BOP1: variants seen among roughly 807,000 people sequenced by gnomAD.
The protein encoded by BOP1 is BOP1 ribosomal biogenesis factor.
In BOP1, 54 loss-of-function variants were observed where a neutral mutation model predicts 82.9. The observed-to-expected ratio is 0.65, with a 90% CI of 0.52 to 0.82. The LOEUF is 0.82. Ranked by LOEUF, BOP1 falls within the 40% of genes least tolerant of loss-of-function variation. The pLI is 0.00. For synonymous variants in BOP1, 566 were observed against 451.1 expected (o/e 1.25, Z -3.23); for missense variants, 1,170 against 1,072.0 (o/e 1.09, Z -1.28).
intron 3 of BOP1, among the ~76,000 whole-genome samples, chr8:144,269,421 T>A (rs1845453474): frequency 6.6e-6 from 1 of 152,130 alleles, no homozygotes; most frequent in Non-Finnish European, 1.5e-5. Flanking sequence ...CCAGGTGCTG[T>A]GGCCCACGTG....
intron 3 of BOP1, among the ~76,000 whole-genome samples, chr8:144,270,141 G>A (rs1845468817): frequency 1.3e-5 from 2 of 152,192 alleles, no homozygotes; most frequent in Admixed American, 1.3e-4. Flanking sequence ...GGGACATCAG[G>A]GGCTGCTGGC....
chr8:144,263,286 G>T lies in BOP1; in HGVS notation c.1540C>A (p.Arg514Ser). Residue 514 changes from arginine (R) to serine (S), a missense_variant, in exon 12 of 16, where the codon CGC (arginine) becomes AGC (serine). Coordinates refer to ENST00000569669, the MANE Select transcript of BOP1 (RefSeq NM_015201.5). ...TCCTCCTCTGAGGCCTCCAGCCAGC[G>T]GGCCGGCTGCAAGGGGGGCTCCTCA... is the stretch of plus-strand genomic sequence containing the variant. ...PPEEPPLQPA[R>S]WLEASEEERQ... The T allele has an allele frequency of 1.9e-6, 3 of 1,594,350 alleles. No homozygotes were observed. The highest frequency in any genetic ancestry group is 2.5e-6 in the Non-Finnish European group (3 of 1,179,030).
intron 3 of BOP1, chr8:144,267,960 A>C: frequency 7.6e-7 from 1 of 1,314,878 alleles, no homozygotes; most frequent in South Asian, 1.3e-5. Context: ...CCCCTCCCCA[A>C]AACGCTTGAG....
intron 2 of BOP1, among the ~76,000 whole-genome samples, chr8:144,279,562 T>G (rs1845636855): frequency 6.6e-6 from 1 of 152,082 alleles, no homozygotes; most frequent in Non-Finnish European, 1.5e-5. Flanking sequence ...TGGAATGAGG[T>G]TCTGGGGAGC....
rs1845265957 is a variant in BOP1, at chr8:144,263,115, C to A, written c.1632G>T (p.Gly544=). 1 of 1,593,550 alleles carries A rather than the reference C, an allele frequency of 6.3e-7. No individual in the cohort carries two copies. The highest frequency in any genetic ancestry group is 1.3e-5 in the African/African-American group (1 of 74,776). ...GKPVTQVTWH[G]RGDYLAVVLA... is the part of the protein sequence containing the mutation. ...GCACCACGGCCAGGTAGTCCCCACGCCCGTGCCAGGTCACCTGCGTCACTG... is the reference window on the plus strand; with the variant it reads ...GCACCACGGCCAGGTAGTCCCCACGACCGTGCCAGGTCACCTGCGTCACTG... Residue 544 remains glycine (G), a synonymous_variant, in exon 13 of 16, where the codon GGG becomes GGT. Transcript: ENST00000569669.
At chr8:144,288,983 G>A (rs555991458) in intron 2 of BOP1, 112 bp downstream of exon 2, 30 of 1,203,110 alleles carry the variant, frequency 2.5e-5, no homozygotes, top group Admixed American at 1.3e-4. Flanking sequence ...GAGGGACGCC[G>A]GCCTTGGGGT....
intron 11 of BOP1, 24 bp downstream of exon 11, chr8:144,263,454 C>T (rs1845281035): frequency 1.3e-6 from 2 of 1,597,948 alleles, no homozygotes; most frequent in Non-Finnish European, 1.7e-6. Context: ...CCCTGGCTCC[C>T]CAGCCCCCAG....
At chr8:144,268,323 G>T in intron 3 of BOP1, 1 of 826,846 alleles carries the variant, frequency 1.2e-6, no homozygotes, top group Non-Finnish European at 1.9e-6. Context: ...GGCGCCGGCA[G>T]CGGGACTCTG....
At chr8:144,281,066 AC>A in intron 2 of BOP1, among the ~76,000 whole-genome samples, 1 of 150,812 alleles carries the variant, frequency 6.6e-6, no homozygotes, top group Non-Finnish European at 1.5e-5. Flanking sequence ...TCACTTTCAT[AC>A]CAGGTCTTCG....
At chr8:144,265,379 G>A (rs1845336239) in intron 3 of BOP1, 3 of 530,472 alleles carry the variant, frequency 5.7e-6, no homozygotes, top group Middle Eastern at 5.1e-4. Context: ...GGCAGCCACA[G>A]ACAGGGATGA....
rs991147661 is a variant in BOP1 at position 144,263,565 on chromosome 8, C to T, written c.1337G>A (p.Arg446His). ...SLRLWEVATA[R>H]CVRTVPVGGV... The stretch of plus-strand genomic sequence containing the variant: ...CCCCACGGGAACAGTCCTCACACAG[C>T]GGGCAGTGGCCACCTCCCAGAGCCG... The change falls in exon 11 of 16, where the codon CGC (arginine) becomes CAC (histidine). Residue 446 changes from arginine to histidine, a missense_variant. Physicochemically the swap from Arg to His is conservative, Grantham distance 29 (BLOSUM62 0). Coordinates refer to ENST00000569669, the MANE Select transcript of BOP1 (RefSeq NM_015201.5). The T allele has an allele frequency of 2.1e-5, 34 of 1,602,382 alleles. No homozygotes were observed. The highest frequency in any genetic ancestry group is 3.3e-5 in the South Asian group (3 of 91,020).
Position 144,262,283 on chromosome 8 carries a change from T to TGACG in BOP1, c.2118_2121dup (p.Lys708ArgfsTer70). ...GTCAGCACGTGTCCCTTCAGCACCT[T>TGACG]GACGGGCACCAGCAAGGGGTTCTGC... On this transcript the variant is annotated frameshift_variant, in exon 16 of 16. Transcript: ENST00000569669. LOFTEE classifies it high-confidence loss of function. 1 of 1,612,766 alleles carries TGACG rather than the reference T, an allele frequency of 6.2e-7. No individual in the cohort carries two copies. Among genetic ancestry groups the TGACG allele is most frequent in the Non-Finnish European group, 8.5e-7 (1 of 1,179,800 alleles).
chr8:144,280,033 C>T (rs993061857), intron 2 of BOP1, among the ~76,000 whole-genome samples: 2 of 152,202 alleles, frequency 1.3e-5, no homozygotes, highest in Non-Finnish European at 2.9e-5. Context: ...ACACTGTACT[C>T]AGGGTGTACT....
chr8:144,264,371 G>A lies in BOP1; in HGVS notation c.832C>T (p.Pro278Ser). 6.2e-7 allele frequency: 1 copy of A among 1,604,574 alleles called. No individual in the cohort carries two copies. The highest frequency in any genetic ancestry group is 8.5e-7 in the Non-Finnish European group (1 of 1,179,704). The change falls in exon 7 of 16, where the codon CCC becomes TCC. Residue 278 changes from proline (P) to serine (S), a missense_variant. Coordinates refer to ENST00000569669, the MANE Select transcript of BOP1 (RefSeq NM_015201.5). ...TGGGCCCACAGGTCATAGAAGCTGG[G>A]GGTGGGGTCTCGGGGCCGGCGAGGC... ...IQPRRPRDPT[P>S]SFYDLWAQED... is the part of the protein sequence containing the mutation.
chr8:144,284,049 G>A (rs1244136916), intron 2 of BOP1, among the ~76,000 whole-genome samples: 3 of 152,148 alleles, frequency 2.0e-5, no homozygotes, highest in African/African-American at 7.2e-5. Context: ...CCCAGGAGGT[G>A]GAGGTTGCAG....
Position 144,263,492 on chromosome 8 carries a change from C to T in BOP1, c.1410G>A (p.Leu470=), listed in dbSNP as rs1333971962. The change falls in exon 11 of 16, where the codon CTG becomes CTA. Residue 470 remains leucine, a synonymous_variant. Transcript: ENST00000569669. ...VAWNPSPAVC[L]VAAAVEDSVL... is the part of the protein sequence containing the mutation. ...CCTCCACTTACACGGCTGCAGCCAC[C>T]AGGCAGACAGCGGGGCTGGGGTTCC... 1.3e-6 allele frequency: 2 copies of T among 1,598,578 alleles called. No homozygotes were observed. Among genetic ancestry groups the T allele is most frequent in the Admixed American group, 1.7e-5 (1 of 59,994 alleles).
chr8:144,262,188 G>C lies in BOP1; in HGVS notation c.2217C>G (p.Asp739Glu). The change falls in exon 16 of 16, where the codon GAC (aspartate) becomes GAG (glutamate). Residue 739 changes from aspartate (D) to glutamate (E), a missense_variant. Asp to Glu is a conservative substitution (Grantham distance 45). Coordinates refer to ENST00000569669, the MANE Select transcript of BOP1 (RefSeq NM_015201.5). The part of the protein sequence containing the change: ...TQPWVFSSGA[D>E]GTVRLFT ...GCTAGGTGAAGAGGCGGACAGTCCCGTCTGCCCCCGAGGAGAAGACCCACG... is the reference window on the plus strand; with the variant it reads ...GCTAGGTGAAGAGGCGGACAGTCCCCTCTGCCCCCGAGGAGAAGACCCACG... The C allele has an allele frequency of 6.2e-7, 1 of 1,612,528 alleles. No homozygotes were observed. The highest frequency in any genetic ancestry group is 8.5e-7 in the Non-Finnish European group (1 of 1,179,806).
intron 3 of BOP1, among the ~76,000 whole-genome samples, chr8:144,267,682 G>A (rs1400492207): frequency 4.6e-5 from 7 of 152,142 alleles, no homozygotes; most frequent in Non-Finnish European, 1.0e-4. Context: ...CTGTAGGGCT[G>A]CCCGAGACGT....
At chr8:144,268,172 C>T (rs996040219) in intron 3 of BOP1, 143 of 1,550,030 alleles carry the variant, frequency 9.2e-5, no homozygotes, top group East Asian at 7.1e-4. Flanking sequence ...AGGAGGCAGA[C>T]GCTGCTGGGG....
Sources: gnomAD v4.1 joint callset for allele counts (sites outside exome capture counted in the v4.1 genomes callset) on GRCh38, gnomAD v4.1.1 for gene constraint, MANE v1.5 for transcripts, NCBI Gene and HGNC (gene_info 2026-07-23, HGNC 2026-07-21) for gene names.